PKD1L1: variants seen among roughly 807,000 people sequenced by gnomAD.
PKD1L1 encodes the protein polycystin 1 like 1, transient receptor potential channel interacting.
A neutral mutation model predicts 323.4 loss-of-function variants in PKD1L1; 236 were observed. That is an observed-to-expected ratio of 0.73 (90% confidence interval 0.66 to 0.81). The LOEUF (loss-of-function observed/expected upper bound fraction) is 0.81. Among genes scored for constraint, PKD1L1 ranks in the 40% least tolerant of loss-of-function variants. The pLI is 0.00. For missense variants in PKD1L1, 3,320 were observed against 3,508.0 expected (o/e 0.95, Z 1.35); for synonymous variants, 1,344 against 1,335.0 (o/e 1.01, Z -0.15).
chr7:47,886,394 T>C (rs1040063608), intron 17 of PKD1L1, among the ~76,000 whole-genome samples: 1 of 152,066 alleles, frequency 6.6e-6, no homozygotes, highest in Admixed American at 6.6e-5. Context: ...ACTTGGGATG[T>C]ATGGGGTTTC....
At chr7:47,953,083 T>C (rs1168664545), upstream of PKD1L1, among the ~76,000 whole-genome samples, 1 of 152,210 alleles carries the variant, frequency 6.6e-6, no homozygotes, top group Non-Finnish European at 1.5e-5. Flanking sequence ...AGGAATGCGA[T>C]GATCACAGTA....
intron 4 of PKD1L1, among the ~76,000 whole-genome samples, chr7:47,936,176 C>A (rs757217986): frequency 2.0e-5 from 3 of 152,080 alleles, no homozygotes; most frequent in Non-Finnish European, 4.4e-5. Flanking sequence ...TGTGGTAAAA[C>A]AATAACATAA....
chr7:47,919,090 T>C (rs1039589266), intron 7 of PKD1L1, among the ~76,000 whole-genome samples: 1 of 152,072 alleles, frequency 6.6e-6, no homozygotes, highest in Non-Finnish European at 1.5e-5. Flanking sequence ...AAAAGCTGGT[T>C]CTTTGAAAAA....
chr7:47,866,625 C>T lies in PKD1L1; in HGVS notation c.3897-11G>A. ...AGGCTGGAATTATACCTGAAGGAAA[C>T]ACAAGAGTTATCATTACTGTTCCAA... is the stretch of plus-strand genomic sequence containing the variant. On this transcript the variant is annotated splice_polypyrimidine_tract_variant and intron_variant, in intron 24 of 56. Transcript: ENST00000289672. The T allele has an allele frequency of 6.3e-7, 1 of 1,587,680 alleles. No individual in the cohort carries two copies. Among genetic ancestry groups the T allele is most frequent in the South Asian group, 1.1e-5 (1 of 88,546 alleles).
chr7:47,922,375 C>T (rs1035268936), intron 7 of PKD1L1, among the ~76,000 whole-genome samples: 3 of 152,068 alleles, frequency 2.0e-5, no homozygotes, highest in East Asian at 1.9e-4. Context: ...GGCCGCCCAT[C>T]GTCTGGGATG....
chr7:47,952,577 C>T (rs1025599245), upstream of PKD1L1, among the ~76,000 whole-genome samples: 8 of 152,174 alleles, frequency 5.3e-5, no homozygotes, highest in Admixed American at 3.3e-4. Flanking sequence ...TCCCTTCACC[C>T]CAATATGCTT....
intron 56 of PKD1L1, among the ~76,000 whole-genome samples, chr7:47,781,443 C>G (rs1786694087): frequency 7.7e-6 from 1 of 130,714 alleles, no homozygotes; most frequent in African/African-American, 2.9e-5. Flanking sequence ...GAGTCTCACT[C>G]TGTTGCCCAG....
intron 2 of PKD1L1, among the ~76,000 whole-genome samples, chr7:47,941,876 A>G (rs1787992379): frequency 6.6e-6 from 1 of 152,248 alleles, no homozygotes; most frequent in African/African-American, 2.4e-5. Flanking sequence ...AAATTGCAAA[A>G]TTGAATAAAG....
At position 47,888,200 on chromosome 7, in the gene PKD1L1, C is replaced by A. The variant is rs905217634; in HGVS notation, c.2676-50G>T. On this transcript the variant is annotated intron_variant, in intron 16 of 56. Transcript: ENST00000289672. ...ATCTTAGGAAAATAATGTGAGGGTT[C>A]TTTGGTCACATTAATTCATGTTAGG... 4 of 1,548,834 alleles carry A rather than the reference C, an allele frequency of 2.6e-6. No individual in the cohort carries two copies. In the African/African-American group the frequency reaches 5.5e-5, roughly 21 times the overall value.
chr7:47,910,151 TCC>T (rs1362222897), intron 8 of PKD1L1, among the ~76,000 whole-genome samples: 5 of 152,172 alleles, frequency 3.3e-5, no homozygotes, highest in African/African-American at 1.2e-4. Context: ...ATGCAGGTCA[TCC>T]CATGCACAGG....
chr7:47,783,925 G>A (rs924825730), intron 56 of PKD1L1, among the ~76,000 whole-genome samples: 4 of 152,182 alleles, frequency 2.6e-5, no homozygotes, highest in African/African-American at 7.2e-5. Flanking sequence ...GAAGCCAGCC[G>A]ACAGTGTATT....
chr7:47,957,978 T>C, the PKD1L1 span, among the ~76,000 whole-genome samples: 2 of 151,692 alleles, frequency 1.3e-5, no homozygotes, highest in Admixed American at 6.6e-5. Flanking sequence ...AGTTATCCTG[T>C]GTTCATGGAT....
intron 42 of PKD1L1, 68 bp from the exon 43 acceptor site, chr7:47,830,192 C>T: frequency 1.5e-6 from 2 of 1,352,332 alleles, no homozygotes; most frequent in Non-Finnish European, 2.1e-6. Context: ...GTCATTGCTG[C>T]CTAAGCACAG....
chr7:47,937,734 G>A (rs920754069), intron 3 of PKD1L1, among the ~76,000 whole-genome samples: 4 of 152,132 alleles, frequency 2.6e-5, no homozygotes, highest in Admixed American at 2.6e-4. Flanking sequence ...GAAGTGAGAT[G>A]GAGCCCAAGA....
rs200093664 is a variant in PKD1L1, at chr7:47,800,856, G to A, written c.7986C>T (p.Ala2662=). The A allele has an allele frequency of 2.5e-4, 408 of 1,613,982 alleles. No individual in the cohort carries two copies. Among genetic ancestry groups the A allele is most frequent in the Non-Finnish European group, 3.2e-4 (381 of 1,179,982 alleles). Residue 2662 remains alanine, a synonymous_variant, in exon 54 of 57, where the codon GCC becomes GCT. Coordinates refer to ENST00000289672, the MANE Select transcript of PKD1L1 (RefSeq NM_138295.5). ...GAAATCGGTGCAGGTGGGAGAGGGCGGCCAGCATCAGTGCCCCCACCAGCT... is the reference window on the plus strand; with the variant it reads ...GAAATCGGTGCAGGTGGGAGAGGGCAGCCAGCATCAGTGCCCCCACCAGCT... ...VAGLVGALML[A]ALSHLHRFLL...
chr7:47,900,459 G>T (rs1159376364), intron 13 of PKD1L1, among the ~76,000 whole-genome samples: 1 of 152,202 alleles, frequency 6.6e-6, no homozygotes, highest in Non-Finnish European at 1.5e-5. Flanking sequence ...CCGGAAACTT[G>T]GCCAGGCATG....
upstream of PKD1L1, among the ~76,000 whole-genome samples, chr7:47,949,890 G>A (rs969085024): frequency 1.8e-4 from 27 of 152,066 alleles, no homozygotes; most frequent in African/African-American, 6.3e-4. Context: ...CCCTGTGGTG[G>A]GTTAAGGGGC....
intron 23 of PKD1L1, among the ~76,000 whole-genome samples, chr7:47,875,631 G>C (rs757604931): frequency 2.0e-5 from 3 of 152,202 alleles, no homozygotes; most frequent in Non-Finnish European, 2.9e-5. Flanking sequence ...AACAGGGTCA[G>C]AGCAGAAAGT....
intron 46 of PKD1L1, chr7:47,819,751 G>T (rs1055512905): frequency 1.4e-5 from 5 of 351,438 alleles, no homozygotes; most frequent in Non-Finnish European, 2.7e-5. Context: ...ACTGACAAAG[G>T]GGACAATATC....
Sources: gnomAD v4.1 joint callset for allele counts (sites outside exome capture counted in the v4.1 genomes callset) on GRCh38, gnomAD v4.1.1 for gene constraint, MANE v1.5 for transcripts, NCBI Gene and HGNC (gene_info 2026-07-23, HGNC 2026-07-21) for gene names.